The following SPIN1 variants were observed in gnomAD, a reference collection of about 807,000 sequenced individuals.
SPIN1 encodes the protein spindlin-1.
SPIN1 carries 3 observed loss-of-function variants against 26.0 expected under a neutral mutation model. The observed-to-expected ratio is 0.12, with a 90% CI of 0.05 to 0.30. The LOEUF is 0.30. Among genes scored for constraint, SPIN1 ranks in the 10% least tolerant of loss-of-function variants. The pLI is 1.00. For missense variants in SPIN1, 126 were observed against 333.4 expected, an observed-to-expected ratio of 0.38 and a Z score of 4.84; for synonymous variants, 101 against 116.5, an observed-to-expected ratio of 0.87 and a Z score of 0.86.
chr9:88,404,984 C>T (rs1052993692), intron 1 of SPIN1, among the ~76,000 whole-genome samples: 7 of 151,702 alleles, frequency 4.6e-5, no homozygotes, highest in Admixed American at 2.0e-4. Flanking sequence ...TCTTCCACCT[C>T]GGCATCTTGT....
intron 3 of SPIN1, among the ~76,000 whole-genome samples, chr9:88,461,931 C>T (rs982261050): frequency 7.2e-5 from 11 of 152,078 alleles, no homozygotes; most frequent in Admixed American, 1.3e-4. Context: ...TTCTATAGTG[C>T]ATTGATATAA....
chr9:88,418,175 T>C (rs1827604234), intron 1 of SPIN1, among the ~76,000 whole-genome samples: 1 of 152,182 alleles, frequency 6.6e-6, no homozygotes, highest in South Asian at 2.1e-4. Flanking sequence ...CTTCCCAGGG[T>C]AGGGCTGAAA....
chr9:88,442,435 T>G (rs574990228), intron 2 of SPIN1, among the ~76,000 whole-genome samples: 1 of 149,346 alleles, frequency 6.7e-6, no homozygotes, highest in Non-Finnish European at 1.5e-5. Context: ...AAGACAGTCT[T>G]GCTCTGTCAC....
chr9:88,424,491 A>T (rs1045945592), intron 1 of SPIN1, among the ~76,000 whole-genome samples: 3 of 152,224 alleles, frequency 2.0e-5, no homozygotes, highest in Admixed American at 6.5e-5. Context: ...AAAGCAATGG[A>T]ATAATAATCA....
In SPIN1 at chr9:88,476,052, G is replaced by A. The variant is rs565550664; in HGVS notation, c.*775G>A. On this transcript the variant is annotated 3_prime_UTR_variant, in exon 6 of 6. Transcript: ENST00000375859. ...ATCTGGTGAACAATCTGGGTAAAAG[G>A]CTACCTTTAATTCTAAGCTTCATTT... The A allele has an allele frequency of 1.3e-5, 2 of 151,590 alleles. No homozygotes were observed. The highest frequency in any genetic ancestry group is 4.2e-4 in the South Asian group (2 of 4,814). 9.4% of individuals were successfully genotyped at this position (151,590 alleles called of 1,614,324 possible).
intron 1 of SPIN1, among the ~76,000 whole-genome samples, chr9:88,390,871 C>T (rs963012465): frequency 6.6e-6 from 1 of 152,102 alleles, no homozygotes; most frequent in Non-Finnish European, 1.5e-5. Context: ...TTTAAAGCTA[C>T]TCAAATATGT....
intron 1 of SPIN1, among the ~76,000 whole-genome samples, chr9:88,398,433 A>G (rs1250444469): frequency 6.6e-6 from 1 of 152,058 alleles, no homozygotes; most frequent in Non-Finnish European, 1.5e-5. Flanking sequence ...TATCTAGCTC[A>G]GTGTCTGAAT....
chr9:88,457,784 C>T, intron 3 of SPIN1: 2 of 942,650 alleles, frequency 2.1e-6, no homozygotes, highest in South Asian at 4.9e-5. Flanking sequence ...GAAAGAATTA[C>T]CAGAGGATGT....
intron 5 of SPIN1, among the ~76,000 whole-genome samples, chr9:88,469,309 C>T (rs1443236603): frequency 6.6e-6 from 1 of 152,164 alleles, no homozygotes. Context: ...TGCTGTGCGG[C>T]GTGGCCCCAG....
chr9:88,431,209 A>C (rs1827863076), intron 2 of SPIN1, among the ~76,000 whole-genome samples: 1 of 149,978 alleles, frequency 6.7e-6, no homozygotes, highest in East Asian at 2.0e-4. Flanking sequence ...TTTTAATCAT[A>C]TTGATGGTAC....
intron 1 of SPIN1, among the ~76,000 whole-genome samples, chr9:88,394,905 G>C (rs186799974): frequency 2.6e-5 from 4 of 151,254 alleles, no homozygotes; most frequent in Middle Eastern, 3.4e-3. Flanking sequence ...CGCCTCCCGG[G>C]TTCACGCCAT....
At chr9:88,462,117 G>A (rs368946945) in intron 3 of SPIN1, among the ~76,000 whole-genome samples, 85 of 152,234 alleles carry the variant, frequency 5.6e-4, no homozygotes, top group African/African-American at 2.0e-3. Context: ...TTGATAACAT[G>A]TATTTCACGG....
intron 2 of SPIN1, among the ~76,000 whole-genome samples, chr9:88,434,245 T>A (rs911339890): frequency 1.3e-5 from 2 of 152,040 alleles, no homozygotes; most frequent in Non-Finnish European, 2.9e-5. Flanking sequence ...GTATTTTGTT[T>A]CTCTTGCATA....
At chr9:88,442,130 T>C (rs1780320200) in intron 2 of SPIN1, among the ~76,000 whole-genome samples, 1 of 151,570 alleles carries the variant, frequency 6.6e-6, no homozygotes, top group Non-Finnish European at 1.5e-5. Context: ...TTTTCCTTCT[T>C]TCTAAAGATT....
rs1166469042 is a variant in SPIN1 at position 88,471,654 on chromosome 9, C to CAAAAA, written c.589+3070_589+3074dup. On this transcript the variant is annotated intron_variant, in intron 5 of 5. Transcript: ENST00000375859. ...TGGGCAACAGAGCGAGACTCTGTCT[C>CAAAAA]AAAAAAAAAAAAAAAAAAAAAAAAA... 1.1e-3 allele frequency among the ~76,000 whole-genome samples: 64 copies of CAAAAA among 59,748 alleles called. 3 individuals are homozygous for CAAAAA. Among genetic ancestry groups the CAAAAA allele is most frequent in the Non-Finnish European group, 1.1e-3 (40 of 35,372 alleles). The allele number at this position is 59,748 out of a possible 152,430, so 39.2% of individuals were successfully genotyped here. A position where few individuals can be genotyped will look rare whatever the true frequency, so the allele number is the denominator to read the frequency against.
At chr9:88,465,270 AGTT>A (rs1400085292) in intron 4 of SPIN1, among the ~76,000 whole-genome samples, 8 of 152,200 alleles carry the variant, frequency 5.3e-5, no homozygotes, top group Non-Finnish European at 1.2e-4. Context: ...TCCTGCTTTC[AGTT>A]GTTTTGGATA....
intron 4 of SPIN1, among the ~76,000 whole-genome samples, chr9:88,463,196 A>G (rs934492604): frequency 2.0e-5 from 3 of 152,220 alleles, no homozygotes; most frequent in Admixed American, 6.5e-5. Flanking sequence ...TAAACAACCA[A>G]AACGTGGTCT....
intron 2 of SPIN1, among the ~76,000 whole-genome samples, chr9:88,429,184 T>C (rs762814780): frequency 1.1e-4 from 16 of 152,136 alleles, no homozygotes; most frequent in Non-Finnish European, 1.8e-4. Context: ...TATTCTCTTA[T>C]GTAATTCAAT....
At chr9:88,411,746 C>T (rs1353720162) in intron 1 of SPIN1, among the ~76,000 whole-genome samples, 5 of 152,082 alleles carry the variant, frequency 3.3e-5, no homozygotes, top group Admixed American at 6.6e-5. Context: ...AACGCCTGGG[C>T]TCAAGCAATC....
Sources: allele counts gnomAD v4.1 joint callset (sites outside exome capture counted in the v4.1 genomes callset), GRCh38; gene constraint gnomAD v4.1.1; transcripts MANE v1.5; gene names NCBI Gene and HGNC (gene_info 2026-07-23, HGNC 2026-07-21).